CSMD1: variants seen among roughly 807,000 people sequenced by gnomAD.
CSMD1 encodes the protein CUB and sushi domain-containing protein 1.
CSMD1 carries 213 observed loss-of-function variants against 417.5 expected under a neutral mutation model. The observed-to-expected ratio is 0.51, with a 90% CI of 0.46 to 0.57. The LOEUF (loss-of-function observed/expected upper bound fraction) is 0.57. Ranked by LOEUF, CSMD1 falls within the 20% of genes least tolerant of loss-of-function variation. The pLI is 0.00. For missense variants in CSMD1, 6,923 were observed against 4,529.7 expected, an observed-to-expected ratio of 1.53 and a Z score of -15.17; for synonymous variants, 2,862 against 1,736.8, an observed-to-expected ratio of 1.65 and a Z score of -16.11.
At chr8:3,713,654 T>C (rs1007565789) in intron 6 of CSMD1, among the ~76,000 whole-genome samples, 9 of 152,178 alleles carry the variant, frequency 5.9e-5, no homozygotes, top group African/African-American at 2.2e-4. Context: ...TGAAAGAAGC[T>C]TTACCTATAA....
chr8:3,542,899 G>A (rs1378537556), intron 10 of CSMD1, among the ~76,000 whole-genome samples: 3 of 152,178 alleles, frequency 2.0e-5, no homozygotes, highest in East Asian at 1.9e-4. Context: ...GGGCTCATGC[G>A]GTGGAGACAC....
intron 7 of CSMD1, among the ~76,000 whole-genome samples, chr8:3,631,538 A>C (rs1172930270): frequency 6.6e-6 from 1 of 152,222 alleles, no homozygotes; most frequent in African/African-American, 2.4e-5. Context: ...AAAATGTTCC[A>C]AAATAGAAAG....
intron 5 of CSMD1, among the ~76,000 whole-genome samples, chr8:3,991,963 A>G (rs1372427151): frequency 2.6e-5 from 4 of 151,178 alleles, no homozygotes; most frequent in Non-Finnish European, 5.9e-5. Flanking sequence ...GGTGATTATT[A>G]AATGTTTTTT....
At position 3,734,883 on chromosome 8, in the gene CSMD1, A is replaced by G. The variant is rs1395674467; in HGVS notation, c.931+19047T>C. The stretch of plus-strand genomic sequence containing the variant: ...GCCGCTGATGCTACAATAGGGCTGT[A>G]CTGAAGCAATTTTCCGTTTCCAGTT... On this transcript the variant is annotated intron_variant, in intron 6 of 69. Transcript: ENST00000635120. Among the ~76,000 whole-genome samples the G allele has an allele frequency of 2.0e-5, 3 of 152,174 alleles. No individual in the cohort carries two copies. The East Asian group carries it at 5.8e-4, about 29-fold the overall frequency.
intron 25 of CSMD1, among the ~76,000 whole-genome samples, chr8:3,292,846 T>G (rs1234464536): frequency 1.3e-5 from 2 of 152,152 alleles, no homozygotes; most frequent in Admixed American, 1.3e-4. Context: ...AATATTGTTA[T>G]GTGTGAATTT....
In CSMD1 at chr8:4,375,313, C is replaced by G. The variant is rs1192687707; in HGVS notation, c.415+44640G>C. 3.3e-5 allele frequency among the ~76,000 whole-genome samples: 5 copies of G among 152,222 alleles called. No individual in the cohort carries two copies. In the East Asian group the frequency reaches 9.7e-4, roughly 29 times the overall value. On this transcript the variant is annotated intron_variant, in intron 3 of 69. Coordinates refer to ENST00000635120, the MANE Select transcript of CSMD1 (RefSeq NM_033225.6). ...AAAAGTGTCATATCTCCAAAAGCACCTTTCTTCCTGGTCTGTCAGGAGGGT... is the reference window on the plus strand; with the variant it reads ...AAAAGTGTCATATCTCCAAAAGCACGTTTCTTCCTGGTCTGTCAGGAGGGT...
chr8:4,575,032 G>A (rs1799074880), intron 2 of CSMD1, among the ~76,000 whole-genome samples: 2 of 152,098 alleles, frequency 1.3e-5, no homozygotes, highest in East Asian at 1.9e-4. Context: ...AGGGCCCCTG[G>A]AAAACCAGGT....
At chr8:3,776,074 C>T (rs1450731131) in intron 5 of CSMD1, among the ~76,000 whole-genome samples, 4 of 152,182 alleles carry the variant, frequency 2.6e-5, no homozygotes, top group Admixed American at 6.5e-5. Flanking sequence ...CTACCTTGTC[C>T]ATACAAATCT....
At chr8:3,569,862 C>T (rs904326963) in intron 10 of CSMD1, among the ~76,000 whole-genome samples, 1 of 152,034 alleles carries the variant, frequency 6.6e-6, no homozygotes, top group East Asian at 1.9e-4. Context: ...GTATGTCAAC[C>T]TGGAATACCT....
At chr8:4,594,060 C>G (rs1459198775) in intron 2 of CSMD1, among the ~76,000 whole-genome samples, 1 of 152,064 alleles carries the variant, frequency 6.6e-6, no homozygotes, top group Non-Finnish European at 1.5e-5. Context: ...CAGTCTCCTC[C>G]ATCTTTACAT....
chr8:4,039,712 A>G (rs1034691249), intron 3 of CSMD1, among the ~76,000 whole-genome samples: 8 of 152,172 alleles, frequency 5.3e-5, no homozygotes, highest in African/African-American at 1.9e-4. Context: ...TGAAGGTGGA[A>G]AAGGGCAAGA....
At chr8:4,172,241 G>A (rs1464456178) in intron 3 of CSMD1, among the ~76,000 whole-genome samples, 1 of 152,094 alleles carries the variant, frequency 6.6e-6, no homozygotes, top group African/African-American at 2.4e-5. Flanking sequence ...GGTCAAGTCT[G>A]CACTGAACAA....
At chr8:3,279,717 T>A (rs1563218950) in intron 26 of CSMD1, among the ~76,000 whole-genome samples, 1 of 152,054 alleles carries the variant, frequency 6.6e-6, no homozygotes, top group Non-Finnish European at 1.5e-5. Flanking sequence ...CTTACAATCA[T>A]GGAGGAAGGT....
At chr8:4,816,199 T>C (rs1291333603) in intron 1 of CSMD1, among the ~76,000 whole-genome samples, 1 of 151,828 alleles carries the variant, frequency 6.6e-6, no homozygotes, top group East Asian at 1.9e-4. Flanking sequence ...TTTGCTTTTT[T>C]TTTGGGACAG....
intron 12 of CSMD1, among the ~76,000 whole-genome samples, chr8:3,466,577 A>ATTTTTTTT (rs35761429): frequency 6.4e-4 from 73 of 113,572 alleles, no homozygotes; most frequent in African/African-American, 1.1e-3. Context: ...CAATCAGCTA[A>ATTTTTTTT]TTTTTTTTTT....
chr8:4,099,751 C>T (rs754271784), intron 3 of CSMD1, among the ~76,000 whole-genome samples: 6 of 152,152 alleles, frequency 3.9e-5, no homozygotes, highest in Admixed American at 1.3e-4. Context: ...ACTAGAACCT[C>T]TTCCTGAGTT....
intron 7 of CSMD1, among the ~76,000 whole-genome samples, chr8:3,664,275 C>T (rs895593928): frequency 6.6e-6 from 1 of 152,114 alleles, no homozygotes; most frequent in African/African-American, 2.4e-5. Flanking sequence ...TGAGAGAGAA[C>T]ATGCGGTGTT....
intron 3 of CSMD1, among the ~76,000 whole-genome samples, chr8:4,257,224 C>A (rs1182622464): frequency 1.3e-5 from 2 of 152,096 alleles, no homozygotes; most frequent in African/African-American, 4.8e-5. Context: ...TTGAAAGAGA[C>A]TAATACTATT....
At position 3,406,528 on chromosome 8, in the gene CSMD1, T is replaced by C. The variant is rs1022537258; in HGVS notation, c.2072-307A>G. Among the ~76,000 whole-genome samples, 3 of 152,128 alleles carry C rather than the reference T, an allele frequency of 2.0e-5. No individual in the cohort carries two copies. The East Asian group carries it at 5.8e-4, about 29-fold the overall frequency. On this transcript the variant is annotated intron_variant, in intron 14 of 69. Coordinates refer to ENST00000635120, the MANE Select transcript of CSMD1 (RefSeq NM_033225.6). ...CTGATATGGTGGGTGGTAGAAAGTG[T>C]CTGGGCTCAAGATTTCTCTCGTTAG...
Sources: gnomAD v4.1 joint callset for allele counts (sites outside exome capture counted in the v4.1 genomes callset) on GRCh38, gnomAD v4.1.1 for gene constraint, MANE v1.5 for transcripts, NCBI Gene and HGNC (gene_info 2026-07-23, HGNC 2026-07-21) for gene names.